TMEM67: variants seen among roughly 807,000 people sequenced by gnomAD.
TMEM67 encodes the protein transmembrane protein 67, also known as meckelin.
In TMEM67, 124 loss-of-function variants were observed where a neutral mutation model predicts 136.6. The ratio of observed to expected loss-of-function variants is 0.91; its 90% CI spans 0.78 to 1.05. The LOEUF (loss-of-function observed/expected upper bound fraction) is 1.05, where lower values mean the gene tolerates loss of function less well. TMEM67 is among the 50% of genes least tolerant of loss of function. TMEM67 has a pLI of 0.00. For synonymous variants in TMEM67, 364 were observed against 390.5 expected (o/e 0.93, Z 0.80); for missense variants, 1,107 against 1,178.4 (o/e 0.94, Z 0.89).
chr8:93,799,572 C>A, intron 20 of TMEM67, 46 bp from the exon 21 acceptor site: 4 of 1,572,666 alleles, frequency 2.5e-6, no homozygotes, highest in East Asian at 2.4e-5. Context: ...GAGTAGTTTT[C>A]TTTATCCATG....
intron 10 of TMEM67, 66 bp downstream of exon 10, chr8:93,781,810 G>T: frequency 1.1e-6 from 1 of 926,574 alleles, no homozygotes; most frequent in South Asian, 1.6e-5. Flanking sequence ...AAGCCAAGAG[G>T]AAAAGATTAT....
chr8:93,757,701 A>G (rs1230462883), intron 2 of TMEM67, among the ~76,000 whole-genome samples: 3 of 152,196 alleles, frequency 2.0e-5, no homozygotes, highest in African/African-American at 7.2e-5. Context: ...TCATAAATCA[A>G]TTTTAACAAC....
At chr8:93,783,359 A>G (rs1813937436) in intron 11 of TMEM67, among the ~76,000 whole-genome samples, 1 of 152,234 alleles carries the variant, frequency 6.6e-6, no homozygotes, top group South Asian at 2.1e-4. Context: ...TATAGGTCTT[A>G]AAAAGTAATG....
intron 11 of TMEM67, among the ~76,000 whole-genome samples, chr8:93,783,965 A>C (rs1452625027): frequency 6.6e-6 from 1 of 152,234 alleles, no homozygotes; most frequent in African/African-American, 2.4e-5. Flanking sequence ...GACACAGCCA[A>C]ACCATATCAA....
At chr8:93,759,940 A>C (rs770475435) in intron 3 of TMEM67, 1 of 1,535,988 alleles carries the variant, frequency 6.5e-7, no homozygotes, top group Non-Finnish European at 8.8e-7. Flanking sequence ...GAGCCACCGC[A>C]CCTGACCTTG....
intron 12 of TMEM67, among the ~76,000 whole-genome samples, chr8:93,786,015 A>C (rs887688298): frequency 1.2e-4 from 18 of 152,296 alleles, no homozygotes; most frequent in African/African-American, 4.3e-4. Context: ...GAATGCATGC[A>C]GTGAGCCATG....
At chr8:93,818,991 GACAAGGGTTC>G, downstream of TMEM67, 1 of 418,844 alleles carries the variant, frequency 2.4e-6, no homozygotes, top group Non-Finnish European at 4.6e-6. Flanking sequence ...TTTTTGTAGA[GACAAGGGTTC>G]ACCATGTTGC....
At chr8:93,829,672 C>T in the TMEM67 span, among the ~76,000 whole-genome samples, 1 of 152,150 alleles carries the variant, frequency 6.6e-6, no homozygotes, top group Admixed American at 6.5e-5. Flanking sequence ...TTCGGGAGGC[C>T]CCATTATGGA....
chr8:93,829,401 T>C, the TMEM67 span, among the ~76,000 whole-genome samples: 2 of 152,274 alleles, frequency 1.3e-5, no homozygotes, highest in African/African-American at 2.4e-5. Context: ...TGTGTGTGTG[T>C]GTGTGTGTGT....
intron 22 of TMEM67, 48 bp from the exon 23 acceptor site, chr8:93,804,714 G>A (rs750670616): frequency 4.9e-5 from 51 of 1,041,068 alleles, no homozygotes; most frequent in Non-Finnish European, 4.9e-5. Context: ...ATTTTTTATT[G>A]TTTTGCAGAT....
At position 93,781,586 on chromosome 8, in the gene TMEM67, GAAAATTTCTT is replaced by G. The variant is rs1218336981; in HGVS notation, c.979-71_979-62del. On this transcript the variant is annotated intron_variant, in intron 9 of 27. Coordinates refer to ENST00000453321, the MANE Select transcript of TMEM67 (RefSeq NM_153704.6). ...TCAACAAAAAAGATCAGTCAACAAT[GAAAATTTCTT>G]TATAGGATATTGTATTACTTTCAGA... 1.2e-5 allele frequency: 8 copies of G among 645,344 alleles called. No homozygotes were observed. In the East Asian group the frequency reaches 2.2e-4, roughly 18 times the overall value. 40.0% of individuals were successfully genotyped at this position (645,344 alleles called of 1,614,324 possible).
At position 93,789,667 on chromosome 8, in the gene TMEM67, TATA is replaced by T. The variant is rs745962808; in HGVS notation, c.1519-1595_1519-1593del. On this transcript the variant is annotated intron_variant, in intron 14 of 27. Coordinates refer to ENST00000453321, the MANE Select transcript of TMEM67 (RefSeq NM_153704.6). ...TCTCAAAAAAATATATATATATATATATATTTTTTTTTTAATGTAAAACACTTC... is the reference window on the plus strand; with the variant it reads ...TCTCAAAAAAATATATATATATATATTTTTTTTTTTAATGTAAAACACTTC... Among the ~76,000 whole-genome samples the T allele has an allele frequency of 6.0e-4, 83 of 137,212 alleles. 2 individuals carry two copies. The highest frequency in any genetic ancestry group is 2.4e-3 in the Admixed American group (33 of 14,038). The allele number at this position is 137,212 out of a possible 152,430, so 90.0% of individuals were successfully genotyped here.
In TMEM67 at chr8:93,755,073, G is replaced by A. The variant is rs998413541; in HGVS notation, c.159G>A (p.Gln53=). The part of the protein sequence containing the change: ...FQQPEKCDNN[Q]YFDISALSCV... ...AGCCGGAGAAGTGCGACAACAACCA[G>A]TACTTTGATATCTCCGCCCTCTCGT... The change falls in exon 1 of 28, where the codon CAG becomes CAA. Residue 53 remains glutamine, a synonymous_variant. Coordinates refer to ENST00000453321, the MANE Select transcript of TMEM67 (RefSeq NM_153704.6). 7.4e-6 allele frequency: 12 copies of A among 1,614,088 alleles called. No homozygotes were observed. The highest frequency in any genetic ancestry group is 2.2e-5 in the East Asian group (1 of 44,896).
chr8:93,829,354 T>C, the TMEM67 span, among the ~76,000 whole-genome samples: 1 of 150,854 alleles, frequency 6.6e-6, no homozygotes, highest in East Asian at 1.9e-4. Flanking sequence ...AGATTTCCTT[T>C]ATGAGTGCTC....
chr8:93,786,188 T>A, intron 12 of TMEM67, 35 bp from the exon 13 acceptor site: 1 of 1,604,942 alleles, frequency 6.2e-7, no homozygotes, highest in Non-Finnish European at 8.5e-7. Context: ...TGTTTTAAAT[T>A]TGTGCAGTAA....
chr8:93,799,580 A>C, intron 20 of TMEM67, 38 bp from the exon 21 acceptor site: 2 of 1,611,060 alleles, frequency 1.2e-6, no homozygotes, highest in Non-Finnish European at 1.7e-6. Flanking sequence ...TTCTTTATCC[A>C]TGTCCGTTTA....
At chr8:93,759,862 TG>T in intron 3 of TMEM67, 1 of 778,492 alleles carries the variant, frequency 1.3e-6, no homozygotes, top group Non-Finnish European at 2.1e-6. Flanking sequence ...TTGGTCAGGC[TG>T]GTCTTGAACT....
rs1814088028 is a variant in TMEM67 at position 93,786,203 on chromosome 8, T to C, written c.1289-20T>C. On this transcript the variant is annotated intron_variant, in intron 12 of 27. Coordinates refer to ENST00000453321, the MANE Select transcript of TMEM67 (RefSeq NM_153704.6). ...TGTTTTAAATTTGTGCAGTAAACTT[T>C]TTTCTTTTTATAATAAAAGACAGCA... 3.1e-6 allele frequency: 5 copies of C among 1,611,574 alleles called. No homozygotes were observed. The highest frequency in any genetic ancestry group is 3.4e-6 in the Non-Finnish European group (4 of 1,179,100).
chr8:93,787,301 T>A (rs2130695319), intron 13 of TMEM67, among the ~76,000 whole-genome samples: 1 of 152,130 alleles, frequency 6.6e-6, no homozygotes, highest in Admixed American at 6.6e-5. Context: ...TGAGACGGGG[T>A]CTTGCTATGT....
Sources: allele counts gnomAD v4.1 joint callset (sites outside exome capture counted in the v4.1 genomes callset), GRCh38; gene constraint gnomAD v4.1.1; transcripts MANE v1.5; gene names NCBI Gene and HGNC (gene_info 2026-07-23, HGNC 2026-07-21).